Variants in RGS6 observed in about 807,000 individuals in gnomAD.
The protein encoded by RGS6 is regulator of G protein signaling 6.
A neutral mutation model predicts 78.5 loss-of-function variants in RGS6; 30 were observed. The ratio of observed to expected loss-of-function variants is 0.38; its 90% CI spans 0.29 to 0.52. RGS6 has a LOEUF of 0.52. Ranked by LOEUF, RGS6 falls within the 20% of genes least tolerant of loss-of-function variation. RGS6 has a pLI of 0.85. For missense variants in RGS6, 495 were observed against 609.7 expected (o/e 0.81, Z 1.98); for synonymous variants, 206 against 206.0 (o/e 1.00, Z 0.00).
the RGS6 span, among the ~76,000 whole-genome samples, chr14:72,602,436 C>T: frequency 9.9e-4 from 151 of 152,238 alleles, 1 homozygote; most frequent in African/African-American, 3.4e-3. Context: ...ATTTCTCAGA[C>T]GAGGAAATTG....
chr14:72,216,927 T>C (rs746602841), intron 2 of RGS6, among the ~76,000 whole-genome samples: 19 of 152,202 alleles, frequency 1.2e-4, no homozygotes, highest in Non-Finnish European at 2.4e-4. Flanking sequence ...AATGTATATA[T>C]AGAAATAACT....
intron 6 of RGS6, among the ~76,000 whole-genome samples, chr14:72,463,096 A>G (rs903430404): frequency 1.3e-5 from 2 of 152,244 alleles, no homozygotes; most frequent in African/African-American, 4.8e-5. Context: ...AATATGTCCC[A>G]GTTTTGTGTG....
chr14:71,932,103 G>T (rs1265377574), upstream of RGS6, among the ~76,000 whole-genome samples: 3 of 152,236 alleles, frequency 2.0e-5, no homozygotes, highest in African/African-American at 7.2e-5. Flanking sequence ...GTTTGGAATT[G>T]ACGAAAGCAG....
intron 2 of RGS6, among the ~76,000 whole-genome samples, chr14:72,163,161 G>A (rs923193645): frequency 6.6e-6 from 1 of 152,074 alleles, no homozygotes; most frequent in African/African-American, 2.4e-5. Flanking sequence ...ACTTACTCAT[G>A]TAACCAAATA....
intron 2 of RGS6, among the ~76,000 whole-genome samples, chr14:72,043,974 T>C (rs1166106123): frequency 1.3e-5 from 2 of 152,188 alleles, no homozygotes; most frequent in East Asian, 1.9e-4. Context: ...TCCTCTCTTT[T>C]TCTTCTCTGC....
chr14:72,122,883 T>C (rs1478615097), intron 2 of RGS6, among the ~76,000 whole-genome samples: 1 of 152,210 alleles, frequency 6.6e-6, no homozygotes, highest in Non-Finnish European at 1.5e-5. Flanking sequence ...ACTGTGTTAC[T>C]AGTGATAAGC....
intron 6 of RGS6, 85 bp downstream of exon 6, chr14:72,459,768 C>A: frequency 7.3e-7 from 1 of 1,364,106 alleles, no homozygotes; most frequent in Non-Finnish European, 1.0e-6. Flanking sequence ...TTGGTGTGGG[C>A]CATGGTGGTA....
rs536592846 is a variant in RGS6 at position 72,541,803 on chromosome 14, T to C, written c.1422+1709T>C. Among the ~76,000 whole-genome samples, 51 of 152,350 alleles carry C rather than the reference T, an allele frequency of 3.3e-4. No homozygotes were observed. The East Asian group carries it at 6.2e-3, about 18-fold the overall frequency. On this transcript the variant is annotated intron_variant, in intron 17 of 17. Transcript: ENST00000553525. ...GGTGTGAGAGGGGAAGCCTGGTACT[T>C]GGACAAAACGTCCAGACATTTTCAG...
chr14:72,535,194 T>C (rs1446704171), intron 15 of RGS6, among the ~76,000 whole-genome samples: 1 of 152,144 alleles, frequency 6.6e-6, no homozygotes, highest in African/African-American at 2.4e-5. Context: ...GGGGTGAAAT[T>C]ATTTGCCAAG....
intron 2 of RGS6, among the ~76,000 whole-genome samples, chr14:72,207,110 A>G (rs545684387): frequency 1.4e-4 from 22 of 152,322 alleles, no homozygotes; most frequent in African/African-American, 5.3e-4. Context: ...TTTTAAGCAA[A>G]TTAAGAAAAA....
intron 2 of RGS6, among the ~76,000 whole-genome samples, chr14:72,037,007 G>A (rs1162988475): frequency 6.6e-6 from 1 of 152,176 alleles, no homozygotes; most frequent in Non-Finnish European, 1.5e-5. Context: ...ACTTTCCTGT[G>A]TCTAGCTGAA....
intron 2 of RGS6, among the ~76,000 whole-genome samples, chr14:72,204,076 G>T (rs757682156): frequency 1.3e-5 from 2 of 151,842 alleles, no homozygotes; most frequent in African/African-American, 4.8e-5. Flanking sequence ...TGCCCACCTC[G>T]GCCTCCCAAA....
At chr14:72,627,470 G>C in the RGS6 span, among the ~76,000 whole-genome samples, 1 of 151,956 alleles carries the variant, frequency 6.6e-6, no homozygotes. Context: ...TATGTAGTTG[G>C]ATCTATTTAT....
At chr14:72,234,697 T>G (rs934836159) in intron 2 of RGS6, among the ~76,000 whole-genome samples, 1 of 151,998 alleles carries the variant, frequency 6.6e-6, no homozygotes, top group Non-Finnish European at 1.5e-5. Flanking sequence ...AGTCTCTGCT[T>G]GCAGTGCCTC....
chr14:72,364,893 C>G (rs1250047670), intron 3 of RGS6, among the ~76,000 whole-genome samples: 1 of 152,192 alleles, frequency 6.6e-6, no homozygotes, highest in Non-Finnish European at 1.5e-5. Flanking sequence ...CTCTCAGAAG[C>G]TCTGGGAAGC....
At chr14:71,953,362 G>A (rs1211963676) in intron 1 of RGS6, among the ~76,000 whole-genome samples, 1 of 152,112 alleles carries the variant, frequency 6.6e-6, no homozygotes, top group African/African-American at 2.4e-5. Flanking sequence ...CTGCTGTTGT[G>A]GCACAGAAGT....
intron 15 of RGS6, among the ~76,000 whole-genome samples, chr14:72,535,579 G>A (rs2097239131): frequency 6.6e-6 from 1 of 152,138 alleles, no homozygotes; most frequent in Non-Finnish European, 1.5e-5. Context: ...CCCCATGTAT[G>A]TATGTGTGCA....
chr14:72,601,599 T>C, the RGS6 span, among the ~76,000 whole-genome samples: 660 of 152,342 alleles, frequency 4.3e-3, 8 homozygotes, highest in African/African-American at 0.015. Flanking sequence ...TTGAATGTTC[T>C]TAGCACAAAG....
chr14:71,907,611 A>T, the RGS6 span, among the ~76,000 whole-genome samples: 1 of 148,304 alleles, frequency 6.7e-6, no homozygotes, highest in African/African-American at 2.5e-5. Context: ...GCCATTGATC[A>T]GTGGTGGTGG....
Sources: allele counts gnomAD v4.1 joint callset (sites outside exome capture counted in the v4.1 genomes callset), GRCh38; gene constraint gnomAD v4.1.1; transcripts MANE v1.5; gene names NCBI Gene and HGNC (gene_info 2026-07-23, HGNC 2026-07-21).